The following MACROH2A1 variants were observed in gnomAD, a reference collection of about 807,000 sequenced individuals.
The protein encoded by MACROH2A1 is macroH2A.1 histone, also known as core histone macro-H2A.1.
In MACROH2A1, 2 loss-of-function variants were observed where a neutral mutation model predicts 31.6. That is an observed-to-expected ratio of 0.06 (90% CI 0.03 to 0.20). MACROH2A1 has a LOEUF of 0.20. Among genes scored for constraint, MACROH2A1 ranks in the 10% least tolerant of loss-of-function variants. MACROH2A1 has a pLI of 1.00. For missense variants in MACROH2A1, 230 were observed against 474.0 expected, an observed-to-expected ratio of 0.49 and a Z score of 4.78; for synonymous variants, 169 against 189.6, an observed-to-expected ratio of 0.89 and a Z score of 0.89.
At chr5:135,342,188 A>G (rs889600449) in intron 8 of MACROH2A1, among the ~76,000 whole-genome samples, 1 of 152,220 alleles carries the variant, frequency 6.6e-6, no homozygotes, top group African/African-American at 2.4e-5. Flanking sequence ...GTGGGACACA[A>G]TCTCAGAGGT....
At chr5:135,387,702 GC>G (rs1207313251) in intron 2 of MACROH2A1, among the ~76,000 whole-genome samples, 6 of 152,256 alleles carry the variant, frequency 3.9e-5, no homozygotes, top group African/African-American at 1.4e-4. Context: ...ATGCTTTGAG[GC>G]CTGGCTTTCT....
At chr5:135,335,173 G>A (rs1758431651) in intron 8 of MACROH2A1, 32 bp from the exon 9 acceptor site, 7 of 1,577,354 alleles carry the variant, frequency 4.4e-6, no homozygotes, top group Non-Finnish European at 6.1e-6. Context: ...CTCAGCAACT[G>A]GGATGCCACG....
rs1009507497 is a variant in MACROH2A1 at position 135,398,696 on chromosome 5, G to A, written c.-34+366C>T. Among the ~76,000 whole-genome samples the A allele has an allele frequency of 6.6e-6, 1 of 152,200 alleles. No homozygotes were observed. Among genetic ancestry groups the A allele is most frequent in the African/African-American group, 2.4e-5 (1 of 41,468 alleles). On this transcript the variant is annotated intron_variant, in intron 1 of 8. Transcript: ENST00000511689. This position sits in a 1 kb window ranked among gnomAD's most constrained non-coding sequence, Gnocchi z 4.6. ...GCCCAGACTGCCTAGCCAGCGCCGC[G>A]GGGCCTCCTGCGGCCTCGGGCCTGG...
intron 6 of MACROH2A1, among the ~76,000 whole-genome samples, chr5:135,352,665 C>G (rs1445128975): frequency 1.3e-5 from 2 of 152,152 alleles, no homozygotes; most frequent in African/African-American, 4.8e-5. Flanking sequence ...AAATCCCTCC[C>G]CAAGTAACCA....
intron 4 of MACROH2A1, chr5:135,361,142 C>T (rs1762798219): frequency 4.4e-6 from 1 of 226,818 alleles, no homozygotes; most frequent in Admixed American, 5.3e-5. Context: ...CATCTGTCTC[C>T]CTGCAGACCC....
chr5:135,374,316 G>T (rs538599412), intron 2 of MACROH2A1, among the ~76,000 whole-genome samples: 1 of 152,180 alleles, frequency 6.6e-6, no homozygotes, highest in African/African-American at 2.4e-5. Flanking sequence ...TTCCTATTCA[G>T]GGGGGAGCGG....
intron 5 of MACROH2A1, chr5:135,359,515 G>A: frequency 2.0e-6 from 2 of 984,650 alleles, no homozygotes; most frequent in Non-Finnish European, 2.4e-6. Flanking sequence ...TTATTTTCTG[G>A]AACACAGAGT....
rs541856216 is a variant in MACROH2A1, at chr5:135,388,684, T to C, written c.172+238A>G. 4.6e-5 allele frequency among the ~76,000 whole-genome samples: 7 copies of C among 152,082 alleles called. No individual in the cohort carries two copies. In the East Asian group the frequency reaches 1.2e-3, roughly 25 times the overall value. On this transcript the variant is annotated intron_variant, in intron 2 of 8. Coordinates refer to ENST00000511689, the MANE Select transcript of MACROH2A1 (RefSeq NM_138610.3). ...GGACTATGTAACAGCCAAAAATAAA[T>C]ACAGAAATATCTACACATATGCCTG...
chr5:135,361,660 G>A (rs1762861044), intron 4 of MACROH2A1: 1 of 152,200 alleles, frequency 6.6e-6, no homozygotes, highest in South Asian at 2.1e-4. Flanking sequence ...CAGAAAGAAG[G>A]GGTGAGAAAT....
chr5:135,358,044 C>T, intron 5 of MACROH2A1: 8 of 980,774 alleles, frequency 8.2e-6, no homozygotes, highest in Non-Finnish European at 8.5e-6. Context: ...TTCTAAAGTA[C>T]CCCTTTTGAA....
At chr5:135,386,345 G>C (rs938082703) in intron 2 of MACROH2A1, among the ~76,000 whole-genome samples, 28 of 152,238 alleles carry the variant, frequency 1.8e-4, no homozygotes, top group African/African-American at 6.5e-4. Flanking sequence ...ATTGGGCCTG[G>C]TTCCATGTTA....
intron 5 of MACROH2A1, chr5:135,357,541 C>T (rs1487028213): frequency 6.1e-6 from 1 of 164,858 alleles, no homozygotes; most frequent in Non-Finnish European, 1.3e-5. Flanking sequence ...GACTGCCTTC[C>T]TAACTCCTTC....
intron 8 of MACROH2A1, chr5:135,338,083 A>G: frequency 3.3e-6 from 3 of 904,836 alleles, no homozygotes; most frequent in South Asian, 2.5e-5. Flanking sequence ...GCTTGTAGCA[A>G]AATGGAATGT....
chr5:135,348,782 G>A (rs1340912942), intron 6 of MACROH2A1, among the ~76,000 whole-genome samples: 2 of 152,226 alleles, frequency 1.3e-5, no homozygotes, highest in African/African-American at 2.4e-5. Context: ...TTGGCCAGTT[G>A]GGGTGTCTGA....
At chr5:135,389,188 G>A (rs757666709) in intron 1 of MACROH2A1, 62 bp from the exon 2 acceptor site, 35 of 1,305,942 alleles carry the variant, frequency 2.7e-5, no homozygotes, top group Non-Finnish European at 3.7e-5. Flanking sequence ...CCCTTTCCAG[G>A]TACACTCTAG....
rs915862944 is a variant in MACROH2A1 at position 135,343,584 on chromosome 5, T to C, written c.779-150A>G. The C allele has an allele frequency of 4.0e-6, 5 of 1,239,866 alleles. No individual in the cohort carries two copies. The African/African-American group carries it at 6.0e-5, about 15-fold the overall frequency. 76.8% of individuals were successfully genotyped at this position (1,239,866 alleles called of 1,614,324 possible). On this transcript the variant is annotated intron_variant, in intron 7 of 8. Coordinates refer to ENST00000511689, the MANE Select transcript of MACROH2A1 (RefSeq NM_138610.3). The stretch of plus-strand genomic sequence containing the variant: ...AGGAGTTCCACAGCTGTCTGCTGCG[T>C]TGTGATTCCAACGTGAGCTGGAGCC...
intron 4 of MACROH2A1, among the ~76,000 whole-genome samples, chr5:135,364,821 G>A (rs1415937473): frequency 6.6e-6 from 1 of 152,120 alleles, no homozygotes; most frequent in Non-Finnish European, 1.5e-5. Flanking sequence ...TCCTTTCTCT[G>A]GCTTCCCTTA....
At position 135,360,621 on chromosome 5, in the gene MACROH2A1, A is replaced by T; in HGVS notation, c.478-14T>A. On this transcript the variant is annotated splice_polypyrimidine_tract_variant and intron_variant, in intron 4 of 8. Transcript: ENST00000511689. Reference sequence around the variant, plus strand: ...ACCCTGCTTCTTCTTGCACAGACGGAAGGGTCAGAATGTGGGCCACACAGA... The same window carrying T: ...ACCCTGCTTCTTCTTGCACAGACGGTAGGGTCAGAATGTGGGCCACACAGA... 6.3e-7 allele frequency: 1 copy of T among 1,586,520 alleles called. No individual in the cohort carries two copies. Among genetic ancestry groups the T allele is most frequent in the Non-Finnish European group, 8.7e-7 (1 of 1,154,968 alleles).
intron 2 of MACROH2A1, among the ~76,000 whole-genome samples, chr5:135,387,043 T>C (rs532191697): frequency 8.5e-5 from 13 of 152,326 alleles, no homozygotes; most frequent in Admixed American, 7.8e-4. Flanking sequence ...GTAAGGAAAT[T>C]GGGGTCCAGG....
Sources: allele counts gnomAD v4.1 joint callset (sites outside exome capture counted in the v4.1 genomes callset), GRCh38; gene constraint gnomAD v4.1.1; non-coding constraint Gnocchi (gnomAD v3.1); transcripts MANE v1.5; gene names NCBI Gene and HGNC (gene_info 2026-07-23, HGNC 2026-07-21).